The following BARD1 variants were observed in gnomAD, a reference collection of about 807,000 sequenced individuals.
The protein encoded by BARD1 is BRCA1 associated RING domain 1.
In BARD1, 73 loss-of-function variants were observed where a neutral mutation model predicts 77.0. The observed-to-expected ratio is 0.95, with a 90% CI of 0.79 to 1.15. The LOEUF (loss-of-function observed/expected upper bound fraction) is 1.15. Ranked by LOEUF, BARD1 falls within the 50% of genes most tolerant of loss-of-function variation. The probability of loss-of-function intolerance (pLI) is 0.00; values close to 1 mark genes in which losing one functional copy is unlikely to be tolerated. For missense variants in BARD1, 993 were observed against 938.8 expected, an observed-to-expected ratio of 1.06 and a Z score of -0.75; for synonymous variants, 384 against 338.0, an observed-to-expected ratio of 1.14 and a Z score of -1.49.
chr2:214,788,845 T>C (rs955281017), intron 3 of BARD1, among the ~76,000 whole-genome samples: 1 of 152,118 alleles, frequency 6.6e-6, no homozygotes, highest in Non-Finnish European at 1.5e-5. Flanking sequence ...CTTTTAGTTC[T>C]AGAAGTACTT....
intron 7 of BARD1, among the ~76,000 whole-genome samples, chr2:214,747,151 G>A (rs7567069): frequency 0.49 from 73,248 of 150,492 alleles, 18,025 homozygotes; most frequent in East Asian, 0.56. Context: ...CAAAACCACA[G>A]TGAGATACCA....
chr2:214,753,565 A>C (rs1274406494), intron 6 of BARD1, among the ~76,000 whole-genome samples: 1 of 152,152 alleles, frequency 6.6e-6, no homozygotes, highest in Non-Finnish European at 1.5e-5. Flanking sequence ...ATTGTATCAA[A>C]TGTATAGAAA....
chr2:214,767,681 G>GA, intron 5 of BARD1, 27 bp from the exon 6 acceptor site: 3 of 1,604,848 alleles, frequency 1.9e-6, no homozygotes, highest in Non-Finnish European at 2.6e-6. Context: ...AAAAAGAAGT[G>GA]AAAGAAGTGA....
Position 214,728,537 on chromosome 2 carries a change from CTTTTTT to C in BARD1, c.*133_*138del. 1.7e-6 allele frequency: 1 copy of C among 587,828 alleles called. No homozygotes were observed. The highest frequency in any genetic ancestry group is 2.8e-6 in the Non-Finnish European group (1 of 359,078). The allele number at this position is 587,828 out of a possible 1,614,324, so 36.4% of individuals were successfully genotyped here. ...CATGAATTCCTAATCTGGCATTAGA[CTTTTTT>C]TTTTTTTTTGATTCAAAGACAAATA... On this transcript the variant is annotated 3_prime_UTR_variant, in exon 11 of 11. Coordinates refer to ENST00000260947, the MANE Select transcript of BARD1 (RefSeq NM_000465.4).
At chr2:214,803,054 G>A (rs1388097599) in intron 1 of BARD1, among the ~76,000 whole-genome samples, 1 of 141,218 alleles carries the variant, frequency 7.1e-6, no homozygotes, top group Non-Finnish European at 1.6e-5. Context: ...AACATGTGCT[G>A]TGTCAAACTC....
intron 4 of BARD1, among the ~76,000 whole-genome samples, chr2:214,778,082 G>A (rs750968331): frequency 6.6e-6 from 1 of 152,054 alleles, no homozygotes; most frequent in African/African-American, 2.4e-5. Flanking sequence ...TGTAATCCCA[G>A]CTACTCGGGA....
chr2:214,730,858 T>C (rs1559374576), intron 9 of BARD1: 1 of 460,738 alleles, frequency 2.2e-6, no homozygotes, highest in Non-Finnish European at 4.3e-6. Context: ...TTACCCAAAA[T>C]TAAGGTGAAT....
chr2:214,797,483 T>C (rs1695813276), intron 1 of BARD1, among the ~76,000 whole-genome samples: 1 of 152,216 alleles, frequency 6.6e-6, no homozygotes, highest in Non-Finnish European at 1.5e-5. Flanking sequence ...ATTCAAAGTG[T>C]AGACCATATA....
chr2:214,736,458 C>T (rs1330360813), intron 9 of BARD1, among the ~76,000 whole-genome samples: 1 of 152,034 alleles, frequency 6.6e-6, no homozygotes, highest in Non-Finnish European at 1.5e-5. Flanking sequence ...TCTTTAACTG[C>T]ATATGGTGGC....
At chr2:214,770,703 G>A (rs1694441913) in intron 4 of BARD1, among the ~76,000 whole-genome samples, 1 of 152,116 alleles carries the variant, frequency 6.6e-6, no homozygotes, top group South Asian at 2.1e-4. Context: ...AGACTTTTAA[G>A]GTCACTTTAA....
rs745401077 is a variant in BARD1, at chr2:214,765,812, C to G, written c.1568+1670G>C. On this transcript the variant is annotated intron_variant, in intron 6 of 10. Coordinates refer to ENST00000260947, the MANE Select transcript of BARD1 (RefSeq NM_000465.4). ...ATATACACATCCCCTGAATTTGCCC[C>G]AATTATCTTATAACCTGTGATGAGA... Among the ~76,000 whole-genome samples the G allele has an allele frequency of 8.6e-5, 13 of 152,038 alleles. No individual in the cohort carries two copies. The highest frequency in any genetic ancestry group is 8.8e-5 in the Non-Finnish European group (6 of 68,000).
At chr2:214,758,057 TAA>T (rs755569073) in intron 6 of BARD1, among the ~76,000 whole-genome samples, 35 of 152,112 alleles carry the variant, frequency 2.3e-4, no homozygotes, top group Non-Finnish European at 4.6e-4. Flanking sequence ...GAGGAGGTGT[TAA>T]AGAGTTGGAC....
intron 9 of BARD1, among the ~76,000 whole-genome samples, chr2:214,736,542 T>G (rs980208574): frequency 3.3e-5 from 5 of 152,140 alleles, no homozygotes; most frequent in African/African-American, 1.2e-4. Context: ...AATTGCAGAA[T>G]TAAGTAGGCT....
At chr2:214,779,344 TAATAC>T (rs1694874533) in intron 4 of BARD1, among the ~76,000 whole-genome samples, 1 of 152,234 alleles carries the variant, frequency 6.6e-6, no homozygotes, top group Admixed American at 6.5e-5. Context: ...TTATAACACC[TAATAC>T]AATATAAATG....
chr2:214,790,380 G>A (rs187850691), intron 3 of BARD1, among the ~76,000 whole-genome samples: 3 of 152,232 alleles, frequency 2.0e-5, no homozygotes, highest in African/African-American at 4.8e-5. Context: ...CTGGAGTAGG[G>A]TGGACTCCCA....
At chr2:214,758,750 C>T (rs1448960712) in intron 6 of BARD1, among the ~76,000 whole-genome samples, 1 of 152,166 alleles carries the variant, frequency 6.6e-6, no homozygotes, top group Non-Finnish European at 1.5e-5. Context: ...GTCCCAAAGG[C>T]CACATTCAGG....
chr2:214,773,438 T>C (rs1416994362), intron 4 of BARD1, among the ~76,000 whole-genome samples: 1 of 152,158 alleles, frequency 6.6e-6, no homozygotes, highest in African/African-American at 2.4e-5. Flanking sequence ...ATGTTAAATA[T>C]TTCTGTAGCT....
intron 6 of BARD1, among the ~76,000 whole-genome samples, chr2:214,754,277 A>G (rs1693593827): frequency 6.6e-6 from 1 of 152,006 alleles, no homozygotes; most frequent in Admixed American, 6.6e-5. Flanking sequence ...AAAAAAAATC[A>G]TAACTGCATA....
intron 7 of BARD1, among the ~76,000 whole-genome samples, chr2:214,748,271 C>T (rs1693235392): frequency 6.6e-6 from 1 of 152,066 alleles, no homozygotes; most frequent in Non-Finnish European, 1.5e-5. Flanking sequence ...AAACAGCTGC[C>T]AAAGCCACAT....
Sources: allele counts gnomAD v4.1 joint callset (sites outside exome capture counted in the v4.1 genomes callset), GRCh38; gene constraint gnomAD v4.1.1; transcripts MANE v1.5; gene names NCBI Gene and HGNC (gene_info 2026-07-23, HGNC 2026-07-21).